ZBTB17: variants seen among roughly 807,000 people sequenced by gnomAD.
The protein encoded by ZBTB17 is zinc finger and BTB domain-containing protein 17.
ZBTB17 carries 24 observed loss-of-function variants against 85.1 expected under a neutral mutation model. That is an observed-to-expected ratio of 0.28 (90% confidence interval 0.20 to 0.40). ZBTB17 has a LOEUF of 0.40. ZBTB17 is among the 10% of genes least tolerant of loss of function. ZBTB17 has a pLI of 1.00. For missense variants in ZBTB17, 743 were observed against 1,105.1 expected, an observed-to-expected ratio of 0.67 and a Z score of 4.65; for synonymous variants, 464 against 460.2, an observed-to-expected ratio of 1.01 and a Z score of -0.11.
chr1:15,945,822 T>G lies in ZBTB17; in HGVS notation c.554A>C (p.Lys185Thr), dbSNP rs2071580078. The change falls in exon 6 of 16, where the codon AAA becomes ACA. Residue 185 changes from lysine to threonine, a missense_variant. This residue lies in a region of ZBTB17 where 279 missense variants were observed against 269.9 expected (regional missense o/e 1.03). Transcript: ENST00000375743. ...SAASGAEQTE[K>T]ADAPREPPPV... The stretch of plus-strand genomic sequence containing the variant: ...CGGCGGCTCCCGGGGCGCATCGGCT[T>G]TCTCTGTCTGCTCTGCACCTGGGTG... 2 of 1,600,022 alleles carry G rather than the reference T, an allele frequency of 1.2e-6. No homozygotes were observed. Among genetic ancestry groups the G allele is most frequent in the Non-Finnish European group, 1.7e-6 (2 of 1,177,750 alleles).
Position 15,945,781 on chromosome 1 carries a change from G to A in ZBTB17, c.595C>T (p.Pro199Ser). ...GCAGCCATGCCACTCGTGGGGTCTGGCTTGAGCTCCACAGGCGGCGGCTCC... is the reference window on the plus strand; with the variant it reads ...GCAGCCATGCCACTCGTGGGGTCTGACTTGAGCTCCACAGGCGGCGGCTCC... The part of the protein sequence containing the change: ...PREPPPVELK[P>S]DPTSGMAAAE... Residue 199 changes from proline to serine, a missense_variant, in exon 6 of 16, where the codon CCA becomes TCA. Transcript: ENST00000375743. 6.2e-7 allele frequency: 1 copy of A among 1,605,852 alleles called. No homozygotes were observed.
chr1:15,946,442 A>G, intron 4 of ZBTB17, 148 bp from the exon 5 acceptor site: 16 of 1,225,470 alleles, frequency 1.3e-5, no homozygotes, highest in Non-Finnish European at 1.7e-5. Flanking sequence ...TCACCAAATT[A>G]TTCACAGGGC....
chr1:15,944,893 G>GGGGAGGGACGCTGGCT, intron 7 of ZBTB17, 44 bp downstream of exon 7: 1 of 1,563,304 alleles, frequency 6.4e-7, no homozygotes. Context: ...GGAGGCCGGA[G>GGGGAGGGACGCTGGCT]GGGAGGGACG....
At chr1:15,946,845 G>T in intron 4 of ZBTB17, 90 bp downstream of exon 4, 1 of 1,457,328 alleles carries the variant, frequency 6.9e-7, no homozygotes, top group Non-Finnish European at 9.2e-7. Context: ...GCCAGATGAG[G>T]AAACTGAGAC....
chr1:15,950,495 T>C (rs2071793859), intron 2 of ZBTB17, among the ~76,000 whole-genome samples: 1 of 152,150 alleles, frequency 6.6e-6, no homozygotes, highest in South Asian at 2.1e-4. Context: ...TGGGCCTCAA[T>C]TGCTAGTCAC....
chr1:15,954,148 A>G (rs2071962759), intron 2 of ZBTB17, among the ~76,000 whole-genome samples: 2 of 152,210 alleles, frequency 1.3e-5, no homozygotes. Flanking sequence ...GGCACTTTAT[A>G]TTGAACAACT....
intron 10 of ZBTB17, 40 bp from the exon 11 acceptor site, chr1:15,943,755 C>G (rs778836192): frequency 1.2e-6 from 2 of 1,612,658 alleles, no homozygotes; most frequent in Non-Finnish European, 1.7e-6. Context: ...TGGGGCACCA[C>G]CGGTGGCCGA....
At position 15,951,565 on chromosome 1, in the gene ZBTB17, G is replaced by A. The variant is rs1475780103; in HGVS notation, c.-2-3068C>T. On this transcript the variant is annotated intron_variant, in intron 2 of 15. Transcript: ENST00000375743. This position sits in a 1 kb window ranked among gnomAD's most constrained non-coding sequence, Gnocchi z 4.1. ...GGGTCCCCCAGGCTGTTCCCCAGCC[G>A]GGAAGCTTTAACAGCCCCTCTCTCA... is the stretch of plus-strand genomic sequence containing the variant. Among the ~76,000 whole-genome samples the A allele has an allele frequency of 2.0e-5, 3 of 152,150 alleles. No individual in the cohort carries two copies. The highest frequency in any genetic ancestry group is 7.2e-5 in the African/African-American group (3 of 41,432).
Position 15,941,937 on chromosome 1 carries a change from TCCTTAAATAAACAGTCA to T in ZBTB17, c.*15_*31del. On this transcript the variant is annotated 3_prime_UTR_variant, in exon 16 of 16. Transcript: ENST00000375743. ...CTTCCCGGTTCCAGGGTGCCATCCATCCTTAAATAAACAGTCAGAAGGGCCGCCAGCTCACTCGGCAG... is the reference window on the plus strand; with the variant it reads ...CTTCCCGGTTCCAGGGTGCCATCCATGAAGGGCCGCCAGCTCACTCGGCAG... 6.4e-7 allele frequency: 1 copy of T among 1,572,464 alleles called. No individual in the cohort carries two copies. Among genetic ancestry groups the T allele is most frequent in the Middle Eastern group, 1.7e-4 (1 of 5,824 alleles).
intron 2 of ZBTB17, among the ~76,000 whole-genome samples, chr1:15,949,830 C>T (rs1254935625): frequency 2.0e-5 from 3 of 152,212 alleles, no homozygotes; most frequent in East Asian, 1.9e-4. Flanking sequence ...CCTCCCACCA[C>T]GTGATGTCTG....
At chr1:15,945,254 A>C (rs1401778872) in intron 6 of ZBTB17, 52 bp from the exon 7 acceptor site, 1 of 1,537,118 alleles carries the variant, frequency 6.5e-7, no homozygotes, top group African/African-American at 1.4e-5. Flanking sequence ...GCCTGAGCGC[A>C]CGTGAGGGGC....
intron 2 of ZBTB17, among the ~76,000 whole-genome samples, chr1:15,957,609 C>G (rs2072097568): frequency 6.6e-6 from 1 of 152,128 alleles, no homozygotes; most frequent in Admixed American, 6.5e-5. Context: ...TCCTAAAAGG[C>G]CCCTCTGACT....
chr1:15,972,731 C>A (rs1037761936), intron 2 of ZBTB17, among the ~76,000 whole-genome samples: 2 of 152,188 alleles, frequency 1.3e-5, no homozygotes, highest in Non-Finnish European at 2.9e-5. Context: ...GCTGTGCTAC[C>A]AGCTCTGGAC....
At chr1:15,943,557 T>C (rs955711883) in intron 11 of ZBTB17, 38 bp from the exon 12 acceptor site, 3 of 1,612,332 alleles carry the variant, frequency 1.9e-6, no homozygotes, top group Non-Finnish European at 2.5e-6. Flanking sequence ...CCTGCTCCTC[T>C]CCGTGCCCTC....
At chr1:15,967,546 G>C (rs181609045) in intron 2 of ZBTB17, among the ~76,000 whole-genome samples, 1 of 151,910 alleles carries the variant, frequency 6.6e-6, no homozygotes, top group Admixed American at 6.6e-5. Context: ...TGGGAGGAGA[G>C]GGGGGTAACT....
At chr1:15,947,634 A>T (rs1457769988) in intron 3 of ZBTB17, among the ~76,000 whole-genome samples, 1 of 152,098 alleles carries the variant, frequency 6.6e-6, no homozygotes. Flanking sequence ...TGTTGTGAAC[A>T]CCTGCCCTCC....
intron 3 of ZBTB17, chr1:15,948,025 T>G: frequency 1.9e-6 from 1 of 535,152 alleles, no homozygotes; most frequent in Non-Finnish European, 3.4e-6. Context: ...CCCCTCCCAA[T>G]GAGGCCTTTC....
chr1:15,975,439 T>A (rs998737779), intron 1 of ZBTB17, among the ~76,000 whole-genome samples: 2 of 152,222 alleles, frequency 1.3e-5, no homozygotes, highest in African/African-American at 4.8e-5. Context: ...TCCGCCCGCA[T>A]CACTCGCTCT....
At chr1:15,949,023 C>T (rs560120835) in intron 2 of ZBTB17, among the ~76,000 whole-genome samples, 4 of 152,144 alleles carry the variant, frequency 2.6e-5, no homozygotes, top group Non-Finnish European at 5.9e-5. Context: ...TTGCAGAACT[C>T]GGCCCCTCTC....
Sources: allele counts gnomAD v4.1 joint callset (sites outside exome capture counted in the v4.1 genomes callset), GRCh38; gene constraint gnomAD v4.1.1; regional missense constraint gnomAD v4.1.1; non-coding constraint Gnocchi (gnomAD v3.1); transcripts MANE v1.5; gene names NCBI Gene and HGNC (gene_info 2026-07-23, HGNC 2026-07-21).